COL11A1: variants seen among roughly 807,000 people sequenced by gnomAD.
COL11A1 encodes the protein collagen alpha-1(XI) chain.
Under a neutral mutation model 265.2 loss-of-function variants are expected in COL11A1, and 74 were observed. The ratio of observed to expected loss-of-function variants is 0.28; its 90% CI spans 0.23 to 0.34. COL11A1 has a LOEUF of 0.34. Among genes scored for constraint, COL11A1 ranks in the 10% least tolerant of loss-of-function variants. The pLI, the probability that COL11A1 is intolerant of heterozygous loss-of-function variation, is 1.00. For synonymous variants in COL11A1, 816 were observed against 727.6 expected, an observed-to-expected ratio of 1.12 and a Z score of -1.96; for missense variants, 2,165 against 2,263.6, an observed-to-expected ratio of 0.96 and a Z score of 0.88.
chr1:103,061,449 G>T (rs7552870), intron 4 of COL11A1, among the ~76,000 whole-genome samples: 1 of 151,848 alleles, frequency 6.6e-6, no homozygotes, highest in African/African-American at 2.4e-5. Context: ...ATTACTTATC[G>T]TTCTAAAGTT....
chr1:103,068,380 T>G (rs2102244583), intron 4 of COL11A1, among the ~76,000 whole-genome samples: 1 of 151,648 alleles, frequency 6.6e-6, no homozygotes, highest in Middle Eastern at 3.4e-3. Context: ...AGAAAAAGCG[T>G]TTTATAAAAT....
chr1:103,047,633 A>T (rs1170607951), intron 4 of COL11A1, among the ~76,000 whole-genome samples: 1 of 152,122 alleles, frequency 6.6e-6, no homozygotes, highest in Non-Finnish European at 1.5e-5. Context: ...AGAACTTCCA[A>T]CGCTATGTTG....
chr1:103,101,833 C>G (rs1034881150), intron 1 of COL11A1, among the ~76,000 whole-genome samples: 2 of 151,796 alleles, frequency 1.3e-5, no homozygotes, highest in African/African-American at 4.8e-5. Flanking sequence ...ATTGTCAAGT[C>G]GTATTTAAGC....
intron 7 of COL11A1, among the ~76,000 whole-genome samples, chr1:103,023,370 CTTTT>C: frequency 1.4e-5 from 2 of 143,002 alleles, no homozygotes; most frequent in East Asian, 4.0e-4. Flanking sequence ...TTTTTTCTTT[CTTTT>C]TTTTTTTTGA....
intron 41 of COL11A1, among the ~76,000 whole-genome samples, chr1:102,954,531 G>C (rs1209858849): frequency 6.6e-6 from 1 of 152,088 alleles, no homozygotes; most frequent in Non-Finnish European, 1.5e-5. Flanking sequence ...GCAAAAACAC[G>C]TCTGCTCTGT....
At chr1:103,047,699 C>A (rs1471400144) in intron 4 of COL11A1, among the ~76,000 whole-genome samples, 3 of 151,926 alleles carry the variant, frequency 2.0e-5, no homozygotes, top group Non-Finnish European at 4.4e-5. Flanking sequence ...AAAGAGAATG[C>A]TTCCAGTTTT....
At chr1:102,946,289 G>C (rs938868569) in intron 42 of COL11A1, among the ~76,000 whole-genome samples, 2 of 148,634 alleles carry the variant, frequency 1.3e-5, no homozygotes, top group African/African-American at 4.9e-5. Context: ...TAACTAACCT[G>C]CACATTGTGG....
chr1:102,979,502 T>G lies in COL11A1; in HGVS notation c.2557-67A>C, dbSNP rs1165687709. ...ACATTTTCAGTCACAAGATGTAATT[T>G]ATTTTGGAACAGAGTGATTTTCACA... On this transcript the variant is annotated intron_variant, in intron 31 of 66. Transcript: ENST00000370096. The G allele has an allele frequency of 4.6e-6, 5 of 1,090,364 alleles. No homozygotes were observed. The Admixed American group carries it at 5.3e-5, about 12-fold the overall frequency. The allele number at this position is 1,090,364 out of a possible 1,614,324, so 67.5% of individuals were successfully genotyped here.
chr1:103,003,412 T>A, intron 20 of COL11A1, 144 bp from the exon 21 acceptor site: 1 of 870,628 alleles, frequency 1.1e-6, no homozygotes, highest in Non-Finnish European at 1.8e-6. Flanking sequence ...GTGATGTCCA[T>A]AACATAAATA....
intron 65 of COL11A1, 90 bp from the exon 66 acceptor site, chr1:102,880,006 T>G (rs1164766755): frequency 1.1e-5 from 10 of 875,950 alleles, no homozygotes; most frequent in Non-Finnish European, 1.7e-5. Context: ...TGAACTGTGA[T>G]GCCAGAAGCA....
Position 102,881,678 on chromosome 1 carries a change from T to C in COL11A1, c.5040+19A>G, listed in dbSNP as rs753508540. Reference sequence around the variant, plus strand: ...CTTGAGTTCGTGAAAAATCGTTTCATGTTGAGGTAATAACATACCAGTTTT... The same window carrying C: ...CTTGAGTTCGTGAAAAATCGTTTCACGTTGAGGTAATAACATACCAGTTTT... On this transcript the variant is annotated intron_variant, in intron 65 of 66. Coordinates refer to ENST00000370096, the MANE Select transcript of COL11A1 (RefSeq NM_001854.4). The C allele has an allele frequency of 1.7e-5, 27 of 1,594,378 alleles. No individual in the cohort carries two copies. The highest frequency in any genetic ancestry group is 2.2e-5 in the Non-Finnish European group (26 of 1,162,836).
At chr1:102,943,759 TGC>T (rs1257998843) in intron 42 of COL11A1, among the ~76,000 whole-genome samples, 2 of 152,164 alleles carry the variant, frequency 1.3e-5, no homozygotes, top group East Asian at 3.8e-4. Flanking sequence ...AATTTCAAAC[TGC>T]TATTGCCTAA....
rs182166242 is a variant in COL11A1 at position 102,960,512 on chromosome 1, A to G, written c.3168+1354T>C. ...TGGGGGGGGGAATTTTTACAAATAC[A>G]TGAAATGGAGGCAAATTATCCAAAG... On this transcript the variant is annotated intron_variant, in intron 41 of 66. Transcript: ENST00000370096. 1.2e-4 allele frequency among the ~76,000 whole-genome samples: 18 copies of G among 152,040 alleles called. No homozygotes were observed. The East Asian group carries it at 3.3e-3, about 28-fold the overall frequency.
chr1:102,962,880 T>C (rs1661057995), intron 38 of COL11A1, 120 bp from the exon 39 acceptor site: 2 of 879,488 alleles, frequency 2.3e-6, no homozygotes, highest in Non-Finnish European at 3.7e-6. Flanking sequence ...ATTCTCATGA[T>C]GTCCTACAAA....
At chr1:103,056,231 G>T (rs1670236940) in intron 4 of COL11A1, among the ~76,000 whole-genome samples, 1 of 152,076 alleles carries the variant, frequency 6.6e-6, no homozygotes. Context: ...AATCTGAGAT[G>T]AGAAAAATGA....
At chr1:103,093,090 A>G (rs1256386746) in intron 1 of COL11A1, among the ~76,000 whole-genome samples, 1 of 152,130 alleles carries the variant, frequency 6.6e-6, no homozygotes, top group Non-Finnish European at 1.5e-5. Context: ...CATCTTTTTT[A>G]AAATCTTATA....
chr1:102,887,925 G>GAACC (rs1226213897), intron 62 of COL11A1, among the ~76,000 whole-genome samples: 3 of 152,078 alleles, frequency 2.0e-5, no homozygotes, highest in Non-Finnish European at 4.4e-5. Context: ...ACCTCAGAAG[G>GAACC]AACCAACACT....
At chr1:103,094,397 G>T (rs1413384336) in intron 1 of COL11A1, among the ~76,000 whole-genome samples, 1 of 152,072 alleles carries the variant, frequency 6.6e-6, no homozygotes, top group African/African-American at 2.4e-5. Context: ...CTATGATATG[G>T]TAACTAAAAT....
At chr1:102,998,905 A>T (rs1029535827) in intron 24 of COL11A1, among the ~76,000 whole-genome samples, 3 of 151,972 alleles carry the variant, frequency 2.0e-5, no homozygotes, top group Admixed American at 6.6e-5. Flanking sequence ...ACCCAATAAG[A>T]TAATAATAAA....
Sources: gnomAD v4.1 joint callset for allele counts (sites outside exome capture counted in the v4.1 genomes callset) on GRCh38, gnomAD v4.1.1 for gene constraint, MANE v1.5 for transcripts, NCBI Gene and HGNC (gene_info 2026-07-23, HGNC 2026-07-21) for gene names.